RAB27A: variants seen among roughly 807,000 people sequenced by gnomAD.
RAB27A encodes the protein ras-related protein Rab-27A.
A neutral mutation model predicts 20.8 loss-of-function variants in RAB27A; 17 were observed. The observed-to-expected ratio is 0.82, with a 90% CI of 0.56 to 1.23. The LOEUF is 1.23. RAB27A is among the 50% of genes most tolerant of loss of function. The pLI is 0.00. For synonymous variants in RAB27A, 85 were observed against 92.8 expected (o/e 0.92, Z 0.48); for missense variants, 277 against 266.7 (o/e 1.04, Z -0.27).
intron 6 of RAB27A, among the ~76,000 whole-genome samples, chr15:55,219,579 C>T (rs1895468757): frequency 6.6e-6 from 1 of 152,184 alleles, no homozygotes; most frequent in Admixed American, 6.5e-5. Context: ...ACCCAGTGTT[C>T]AGGTGATTGA....
At chr15:55,252,924 A>G (rs888604989) in intron 2 of RAB27A, among the ~76,000 whole-genome samples, 2 of 151,532 alleles carry the variant, frequency 1.3e-5, no homozygotes, top group Non-Finnish European at 1.5e-5. Flanking sequence ...CACGAGGTCA[A>G]GAGATCGAGA....
chr15:55,289,623 C>A (rs905087045), intron 1 of RAB27A, 93 bp downstream of exon 1: 15 of 153,228 alleles, frequency 9.8e-5, no homozygotes, highest in Non-Finnish European at 2.0e-4. Flanking sequence ...CACTCGGACC[C>A]CAGCCCTAGG....
At chr15:55,265,940 G>C (rs968819102) in intron 2 of RAB27A, among the ~76,000 whole-genome samples, 1 of 152,142 alleles carries the variant, frequency 6.6e-6, no homozygotes, top group African/African-American at 2.4e-5. Context: ...AGGCCACCAC[G>C]GGCTCTTTAT....
chr15:55,243,828 C>T (rs76087238), intron 2 of RAB27A, among the ~76,000 whole-genome samples: 1,741 of 152,208 alleles, frequency 0.011, 43 homozygotes, highest in African/African-American at 0.04. Flanking sequence ...TAGTTTTAGC[C>T]ATGTCCCAGT....
chr15:55,302,070 G>C (rs987727531), intron 2 of RAB27A, among the ~76,000 whole-genome samples: 4 of 151,704 alleles, frequency 2.6e-5, no homozygotes, highest in Non-Finnish European at 4.4e-5. Flanking sequence ...CCACCTATTC[G>C]GGAGGCTAAG....
intron 2 of RAB27A, among the ~76,000 whole-genome samples, chr15:55,312,467 C>T (rs2055025725): frequency 6.6e-6 from 1 of 152,312 alleles, no homozygotes; most frequent in South Asian, 2.1e-4. Flanking sequence ...ATTTGAAGAA[C>T]TGCCAAACTT....
At chr15:55,248,065 C>T (rs1896756967) in intron 2 of RAB27A, among the ~76,000 whole-genome samples, 1 of 151,982 alleles carries the variant, frequency 6.6e-6, no homozygotes, top group African/African-American at 2.4e-5. Flanking sequence ...TCCCAAGCAG[C>T]TGGGACTCCA....
At chr15:55,235,053 G>C (rs1161116631) in intron 2 of RAB27A, 97 bp from the exon 3 acceptor site, 1 of 979,176 alleles carries the variant, frequency 1.0e-6, no homozygotes, top group Non-Finnish European at 1.5e-6. Context: ...AACACCTAAT[G>C]TTAACCTGTA....
chr15:55,243,818 T>C (rs1032397279), intron 2 of RAB27A, among the ~76,000 whole-genome samples: 12 of 152,282 alleles, frequency 7.9e-5, no homozygotes, highest in African/African-American at 2.6e-4. Context: ...TTAGACCTTA[T>C]AGTTTTAGCC....
At chr15:55,242,050 G>A (rs1354722729) in intron 2 of RAB27A, among the ~76,000 whole-genome samples, 1 of 151,898 alleles carries the variant, frequency 6.6e-6, no homozygotes, top group Non-Finnish European at 1.5e-5. Flanking sequence ...TCCATGAAGT[G>A]TCATATTAAA....
At chr15:55,241,995 C>G (rs1896512021) in intron 2 of RAB27A, among the ~76,000 whole-genome samples, 1 of 151,996 alleles carries the variant, frequency 6.6e-6, no homozygotes, top group Non-Finnish European at 1.5e-5. Flanking sequence ...TTCTCCCTCT[C>G]TCTCTCTCTG....
At chr15:55,265,521 A>G (rs1595732375) in intron 2 of RAB27A, among the ~76,000 whole-genome samples, 2 of 152,204 alleles carry the variant, frequency 1.3e-5, no homozygotes, top group East Asian at 3.9e-4. Context: ...TGTCAGCCAA[A>G]TAAGCATTAT....
chr15:55,230,456 T>G lies in RAB27A; in HGVS notation c.184A>C (p.Thr62Pro), dbSNP rs1895986269. 3 of 1,613,818 alleles carry G rather than the reference T, an allele frequency of 1.9e-6. No homozygotes were observed. The highest frequency in any genetic ancestry group is 2.5e-6 in the Non-Finnish European group (3 of 1,179,852). ...VYRASGPDGA[T>P]GRGQRIHLQL... ...AGGTGGATTCTCTGGCCTCTGCCAG[T>G]GGCTCCATCCGGCCCACTGGCTCTG... The change falls in exon 4 of 7, where the codon ACT (threonine) becomes CCT (proline). Residue 62 changes from threonine (T) to proline (P), a missense_variant. Physicochemically the swap from Thr to Pro is conservative, Grantham distance 38. Transcript: ENST00000336787.
chr15:55,221,717 C>A (rs190462802), intron 6 of RAB27A, among the ~76,000 whole-genome samples: 1 of 152,140 alleles, frequency 6.6e-6, no homozygotes, highest in Non-Finnish European at 1.5e-5. Flanking sequence ...GGAAGTGAAG[C>A]AACCTCCATT....
intron 2 of RAB27A, among the ~76,000 whole-genome samples, chr15:55,300,937 C>A (rs2054969244): frequency 6.6e-6 from 1 of 152,136 alleles, no homozygotes; most frequent in African/African-American, 2.4e-5. Flanking sequence ...TATGCAATAA[C>A]CATTCTCTTG....
At chr15:55,308,045 TTTC>T (rs1345641496) in intron 2 of RAB27A, among the ~76,000 whole-genome samples, 1 of 152,176 alleles carries the variant, frequency 6.6e-6, no homozygotes, top group East Asian at 1.9e-4. Context: ...CCCCATTCTA[TTTC>T]TTCTTCTGAG....
At chr15:55,261,756 C>T (rs866800733) in intron 2 of RAB27A, among the ~76,000 whole-genome samples, 6 of 133,470 alleles carry the variant, frequency 4.5e-5, no homozygotes, top group Non-Finnish European at 7.9e-5. Flanking sequence ...GAAAAGTTTT[C>T]GGGCCAGGCA....
chr15:55,296,238 G>A (rs2054949048), intron 2 of RAB27A, among the ~76,000 whole-genome samples: 1 of 150,860 alleles, frequency 6.6e-6, no homozygotes, highest in Non-Finnish European at 1.5e-5. Context: ...CTGACGCGGT[G>A]GCTCACACCT....
intron 5 of RAB27A, among the ~76,000 whole-genome samples, chr15:55,226,434 C>A (rs1324752048): frequency 6.6e-6 from 1 of 152,070 alleles, no homozygotes; most frequent in African/African-American, 2.4e-5. Context: ...TCTCCCAGGC[C>A]AATCAGGGCC....
Sources: allele counts gnomAD v4.1 joint callset (sites outside exome capture counted in the v4.1 genomes callset), GRCh38; gene constraint gnomAD v4.1.1; transcripts MANE v1.5; gene names NCBI Gene and HGNC (gene_info 2026-07-23, HGNC 2026-07-21).